Variants in LRRC72 observed in about 807,000 individuals in gnomAD.
LRRC72 encodes the protein leucine-rich repeat-containing protein 72.
Under a neutral mutation model 35.8 loss-of-function variants are expected in LRRC72, and 41 were observed. The ratio of observed to expected loss-of-function variants is 1.15; its 90% CI spans 0.89 to 1.49. The LOEUF (loss-of-function observed/expected upper bound fraction) is 1.49, where lower values mean the gene tolerates loss of function less well. LRRC72 is among the 40% of genes most tolerant of loss of function. The pLI is 0.00. For synonymous variants in LRRC72, 118 were observed against 119.2 expected, an observed-to-expected ratio of 0.99 and a Z score of 0.07; for missense variants, 389 against 330.7, an observed-to-expected ratio of 1.18 and a Z score of -1.37.
chr7:16,540,394 C>G (rs1782336557), intron 3 of LRRC72, among the ~76,000 whole-genome samples: 1 of 152,192 alleles, frequency 6.6e-6, no homozygotes, highest in African/African-American at 2.4e-5. Flanking sequence ...AATTGCTCTT[C>G]ATTTTACAGG....
At chr7:16,557,007 G>T (rs1782660609) in intron 3 of LRRC72, among the ~76,000 whole-genome samples, 1 of 152,202 alleles carries the variant, frequency 6.6e-6, no homozygotes, top group Non-Finnish European at 1.5e-5. Flanking sequence ...GTGGATATGT[G>T]GTGCTGGATC....
rs1321940561 is a variant in LRRC72, at chr7:16,526,915, G to A, written c.-38G>A. The A allele has an allele frequency of 1.1e-5, 17 of 1,509,620 alleles. No homozygotes were observed. Among genetic ancestry groups the A allele is most frequent in the Admixed American group, 2.0e-5 (1 of 50,856 alleles). 93.5% of individuals were successfully genotyped at this position (1,509,620 alleles called of 1,614,324 possible). A position where few individuals can be genotyped will look rare whatever the true frequency, so the allele number is the denominator to read the frequency against. ...TTCGGTGCCACCGGCGGGCGAGGCC[G>A]GATTAATCACCGCTGCTTCGGCCGC... On this transcript the variant is annotated 5_prime_UTR_variant, in exon 1 of 9. Coordinates refer to ENST00000401542, the MANE Select transcript of LRRC72 (RefSeq NM_001195280.2).
intron 7 of LRRC72, among the ~76,000 whole-genome samples, chr7:16,570,976 G>GTT (rs549198798): frequency 1.4e-5 from 2 of 141,066 alleles, no homozygotes; most frequent in African/African-American, 2.6e-5. Context: ...TTTTGTTTCT[G>GTT]TTTTTTTTTT....
intron 2 of LRRC72, chr7:16,532,917 T>G: frequency 6.3e-6 from 2 of 315,852 alleles, no homozygotes; most frequent in Non-Finnish European, 1.2e-5. Context: ...ACAACGAATA[T>G]AATTTTAGTT....
intron 3 of LRRC72, among the ~76,000 whole-genome samples, chr7:16,542,409 C>T (rs1297123246): frequency 1.3e-5 from 2 of 152,228 alleles, no homozygotes; most frequent in Admixed American, 1.3e-4. Context: ...AGACAGGTCT[C>T]AATCAATTTA....
At chr7:16,529,604 A>C (rs549608560) in intron 1 of LRRC72, among the ~76,000 whole-genome samples, 1 of 152,352 alleles carries the variant, frequency 6.6e-6, no homozygotes, top group Non-Finnish European at 1.5e-5. Flanking sequence ...GGATTCACTG[A>C]AATGTGAATT....
intron 7 of LRRC72, among the ~76,000 whole-genome samples, chr7:16,573,277 T>C (rs899031615): frequency 3.3e-5 from 5 of 152,204 alleles, no homozygotes; most frequent in Admixed American, 3.3e-4. Context: ...ACCATTGACT[T>C]TCTTCACAGA....
At chr7:16,577,081 G>C (rs1344539150) in intron 7 of LRRC72, among the ~76,000 whole-genome samples, 1 of 152,180 alleles carries the variant, frequency 6.6e-6, no homozygotes, top group East Asian at 1.9e-4. Flanking sequence ...TGACATATCA[G>C]GCACACCCAG....
chr7:16,570,222 T>G (rs1055976349), intron 7 of LRRC72, among the ~76,000 whole-genome samples: 10 of 152,270 alleles, frequency 6.6e-5, no homozygotes, highest in African/African-American at 2.4e-4. Flanking sequence ...TAGAAATGTG[T>G]GCATACATGA....
At chr7:16,533,044 C>T (rs775235271) in intron 2 of LRRC72, among the ~76,000 whole-genome samples, 2 of 152,100 alleles carry the variant, frequency 1.3e-5, no homozygotes, top group African/African-American at 2.4e-5. Flanking sequence ...AATTATACTA[C>T]CTCATTCTCA....
Position 16,527,002 on chromosome 7 carries a change from T to A in LRRC72, c.50T>A (p.Leu17Gln). 6.5e-7 allele frequency: 1 copy of A among 1,539,824 alleles called. No homozygotes were observed. Among genetic ancestry groups the A allele is most frequent in the South Asian group, 1.2e-5 (1 of 84,062 alleles). The change falls in exon 1 of 9, where the codon CTA becomes CAA. Residue 17 changes from leucine to glutamine, a missense_variant. Physicochemically the swap from Leu to Gln is moderately radical, Grantham distance 113. Coordinates refer to ENST00000401542, the MANE Select transcript of LRRC72 (RefSeq NM_001195280.2). ...CCCCGTACCTTGCGATGCTGGCGCCTACGGAGGGCATCCGAAACTGCCCTA... is the reference window on the plus strand; with the variant it reads ...CCCCGTACCTTGCGATGCTGGCGCCAACGGAGGGCATCCGAAACTGCCCTA... ...PVPRTLRCWR[L>Q]RRASETALQS...
At chr7:16,534,215 A>C (rs1782214929) in intron 2 of LRRC72, among the ~76,000 whole-genome samples, 1 of 152,220 alleles carries the variant, frequency 6.6e-6, no homozygotes, top group Non-Finnish European at 1.5e-5. Context: ...CATGGAGAAC[A>C]TACATTGTAA....
chr7:16,527,816 A>G (rs1209575581), intron 1 of LRRC72, among the ~76,000 whole-genome samples: 2 of 152,124 alleles, frequency 1.3e-5, no homozygotes, highest in East Asian at 1.9e-4. Context: ...ATCATCAGAG[A>G]GGGCATTTTC....
At chr7:16,564,298 C>T (rs1782790270) in intron 5 of LRRC72, among the ~76,000 whole-genome samples, 1 of 152,110 alleles carries the variant, frequency 6.6e-6, no homozygotes, top group Non-Finnish European at 1.5e-5. Flanking sequence ...TCATTAGAAA[C>T]AATTGTGTTT....
At chr7:16,549,806 A>C (rs1269320245) in intron 3 of LRRC72, among the ~76,000 whole-genome samples, 2 of 152,202 alleles carry the variant, frequency 1.3e-5, no homozygotes, top group Non-Finnish European at 2.9e-5. Context: ...TAGATGCTAC[A>C]CAGCCAAAAA....
intron 3 of LRRC72, among the ~76,000 whole-genome samples, chr7:16,541,833 C>T (rs1045524472): frequency 1.3e-5 from 2 of 152,192 alleles, no homozygotes; most frequent in Non-Finnish European, 2.9e-5. Flanking sequence ...ATTGCTTGAA[C>T]TCGGGAGGTG....
chr7:16,573,812 T>C (rs1230864020), intron 7 of LRRC72, among the ~76,000 whole-genome samples: 2 of 152,146 alleles, frequency 1.3e-5, no homozygotes, highest in African/African-American at 4.8e-5. Flanking sequence ...TGGGATCTAA[T>C]TAAACTAAAG....
chr7:16,558,927 C>T lies in LRRC72; in HGVS notation c.355C>T (p.His119Tyr), dbSNP rs1433199589. Residue 119 changes from histidine (H) to tyrosine (Y), a missense_variant, in exon 5 of 9, where the codon CAC becomes TAC. His to Tyr is a moderately conservative substitution (Grantham distance 83). Transcript: ENST00000401542. The part of the protein sequence containing the change: ...YLPSLHILLL[H>Y]HNELTNIDAT... ...GCCTTCATTGCATATACTCCTGCTACACCACAATGAGCTAACCAACATTGA... is the reference window on the plus strand; with the variant it reads ...GCCTTCATTGCATATACTCCTGCTATACCACAATGAGCTAACCAACATTGA... 2 of 1,532,048 alleles carry T rather than the reference C, an allele frequency of 1.3e-6. No individual in the cohort carries two copies. The highest frequency in any genetic ancestry group is 1.4e-5 in the African/African-American group (1 of 72,434). 94.9% of individuals were successfully genotyped at this position (1,532,048 alleles called of 1,614,324 possible).
At chr7:16,563,963 G>A (rs576982576) in intron 5 of LRRC72, among the ~76,000 whole-genome samples, 2 of 152,080 alleles carry the variant, frequency 1.3e-5, no homozygotes, top group Non-Finnish European at 2.9e-5. Flanking sequence ...TCCAAGTTTG[G>A]TGTTTTATTC....
Sources: gnomAD v4.1 joint callset for allele counts (sites outside exome capture counted in the v4.1 genomes callset) on GRCh38, gnomAD v4.1.1 for gene constraint, MANE v1.5 for transcripts, NCBI Gene and HGNC (gene_info 2026-07-23, HGNC 2026-07-21) for gene names.